GLT1D1: variants seen among roughly 807,000 people sequenced by gnomAD.
GLT1D1 encodes the protein glycosyltransferase 1 domain-containing protein 1.
In GLT1D1, 21 loss-of-function variants were observed where a neutral mutation model predicts 28.7. That is an observed-to-expected ratio of 0.73 (90% confidence interval 0.52 to 1.05). The LOEUF is 1.05. Ranked by LOEUF, GLT1D1 falls within the 50% of genes least tolerant of loss-of-function variation. The pLI is 0.00. For synonymous variants in GLT1D1, 147 were observed against 124.8 expected, an observed-to-expected ratio of 1.18 and a Z score of -1.19; for missense variants, 343 against 330.6, an observed-to-expected ratio of 1.04 and a Z score of -0.29.
chr12:128,907,643 C>T (rs1208586346), intron 4 of GLT1D1, among the ~76,000 whole-genome samples: 1 of 152,142 alleles, frequency 6.6e-6, no homozygotes, highest in Non-Finnish European at 1.5e-5. Context: ...GGTGAGCCCT[C>T]ATTGGAGATT....
chr12:128,900,781 A>T (rs1446209997), intron 4 of GLT1D1, among the ~76,000 whole-genome samples: 1 of 151,988 alleles, frequency 6.6e-6, no homozygotes, highest in Non-Finnish European at 1.5e-5. Context: ...GACGACAGGC[A>T]TGTGCCACCA....
chr12:128,902,599 C>T (rs914613069), intron 4 of GLT1D1, among the ~76,000 whole-genome samples: 4 of 151,512 alleles, frequency 2.6e-5, no homozygotes, highest in Admixed American at 1.3e-4. Flanking sequence ...CTACAGTGAT[C>T]GGAAAGGCCA....
intron 7 of GLT1D1, among the ~76,000 whole-genome samples, chr12:128,965,886 C>T (rs535573319): frequency 8.0e-6 from 1 of 124,404 alleles, no homozygotes; most frequent in Non-Finnish European, 2.0e-5. Flanking sequence ...CAGCAAGACC[C>T]TGTCTCAAAA....
In GLT1D1 at chr12:128,945,408, A is replaced by G. The variant is rs769455056; in HGVS notation, c.419+39A>G. The G allele has an allele frequency of 5.2e-6, 8 of 1,547,592 alleles. No individual in the cohort carries two copies. In the African/African-American group the frequency reaches 8.1e-5, roughly 16 times the overall value. ...GAGACCAGTCATTTTGCAGAACGGG[A>G]AGCCTGAGTGGCCCCTGGGTTACCT... is the stretch of plus-strand genomic sequence containing the variant. On this transcript the variant is annotated intron_variant, in intron 5 of 7. Coordinates refer to ENST00000281703, the MANE Select transcript of GLT1D1 (RefSeq NM_144669.3).
In GLT1D1 at chr12:128,879,160, C is replaced by G. The variant is rs569242467; in HGVS notation, c.217+3098C>G. On this transcript the variant is annotated intron_variant, in intron 2 of 7. Coordinates refer to ENST00000281703, the MANE Select transcript of GLT1D1 (RefSeq NM_144669.3). ...TGTTTTCTTTTCTTTTTTTCTTCAG[C>G]TTTTAAGTTCAGCAGTACATGTGCA... 3.3e-5 allele frequency among the ~76,000 whole-genome samples: 5 copies of G among 152,136 alleles called. No homozygotes were observed. The South Asian group carries it at 1.0e-3, about 32-fold the overall frequency.
intron 4 of GLT1D1, among the ~76,000 whole-genome samples, chr12:128,939,838 C>CT (rs1566153502): frequency 4.8e-5 from 2 of 42,036 alleles, no homozygotes; most frequent in Non-Finnish European, 1.1e-4. Context: ...TTGTTAGAAA[C>CT]CCCCCCCCAC....
Position 128,875,909 on chromosome 12 carries a change from T to G in GLT1D1, c.69-5T>G. On this transcript the variant is annotated splice_region_variant and splice_polypyrimidine_tract_variant and intron_variant, in intron 1 of 7. Transcript: ENST00000281703. ...CTTCTCCTTTCTCTGTATTTTTTGATAAAGGGCCCATCTAGAGGCTGCAGG... is the reference window on the plus strand; with the variant it reads ...CTTCTCCTTTCTCTGTATTTTTTGAGAAAGGGCCCATCTAGAGGCTGCAGG... 1 of 1,610,766 alleles carries G rather than the reference T, an allele frequency of 6.2e-7. No individual in the cohort carries two copies. Among genetic ancestry groups the G allele is most frequent in the Non-Finnish European group, 8.5e-7 (1 of 1,178,812 alleles).
chr12:128,945,481 C>G lies in GLT1D1; in HGVS notation c.419+112C>G, dbSNP rs114602448. ...AGGCACTATTCCAAGCAGTTTCCAA[C>G]TGTTTCCTCATGCATCTTCCCGGCG... On this transcript the variant is annotated intron_variant, in intron 5 of 7. Coordinates refer to ENST00000281703, the MANE Select transcript of GLT1D1 (RefSeq NM_144669.3). 3.3e-3 allele frequency: 3,017 copies of G among 917,392 alleles called. 66 individuals carry two copies. In the African/African-American group the frequency reaches 0.044, roughly 13 times the overall value. The allele number at this position is 917,392 out of a possible 1,614,324, so 56.8% of individuals were successfully genotyped here.
chr12:128,952,428 TGGG>T (rs1182891994), intron 6 of GLT1D1, among the ~76,000 whole-genome samples: 1 of 1,698 alleles, frequency 5.9e-4, no homozygotes, highest in Admixed American at 7.7e-3. Flanking sequence ...GGGTGTAGGG[TGGG>T]GGTGGGGGGG....
chr12:128,862,922 A>G (rs1331537006), intron 1 of GLT1D1, among the ~76,000 whole-genome samples: 2 of 152,222 alleles, frequency 1.3e-5, no homozygotes, highest in African/African-American at 2.4e-5. Flanking sequence ...GCTATGACAG[A>G]GAAGTGTAGG....
chr12:128,931,590 A>G (rs1026895010), intron 4 of GLT1D1, among the ~76,000 whole-genome samples: 5 of 151,990 alleles, frequency 3.3e-5, no homozygotes, highest in African/African-American at 7.2e-5. Flanking sequence ...TTACAGGTGT[A>G]AGCCACCGCG....
At chr12:128,974,804 G>A (rs1018184890) in intron 7 of GLT1D1, among the ~76,000 whole-genome samples, 16 of 152,220 alleles carry the variant, frequency 1.1e-4, no homozygotes, top group Admixed American at 9.8e-4. Flanking sequence ...GCCTCATTCC[G>A]TGTACGTTTT....
intron 1 of GLT1D1, among the ~76,000 whole-genome samples, chr12:128,861,808 C>A (rs1356073771): frequency 1.3e-5 from 2 of 152,126 alleles, no homozygotes; most frequent in East Asian, 3.9e-4. Flanking sequence ...CCCTTCCAGG[C>A]CCGGCTACTT....
chr12:128,906,316 C>T (rs997059359), intron 4 of GLT1D1, among the ~76,000 whole-genome samples: 2 of 151,908 alleles, frequency 1.3e-5, no homozygotes, highest in African/African-American at 4.8e-5. Context: ...AGTTCTAGTC[C>T]ACGTTTAGAG....
chr12:128,974,019 G>A (rs774730832), intron 7 of GLT1D1, among the ~76,000 whole-genome samples: 2 of 151,532 alleles, frequency 1.3e-5, no homozygotes, highest in Non-Finnish European at 2.9e-5. Flanking sequence ...GGACAGTCTG[G>A]GTCTAGATGC....
In GLT1D1 at chr12:128,946,495, C is replaced by T. The variant is rs139094106; in HGVS notation, c.420-843C>T. Among the ~76,000 whole-genome samples, 596 of 151,912 alleles carry T rather than the reference C, an allele frequency of 3.9e-3. 4 individuals are homozygous for T. The highest frequency in any genetic ancestry group is 0.013 in the African/African-American group (556 of 41,418). On this transcript the variant is annotated intron_variant, in intron 5 of 7. Coordinates refer to ENST00000281703, the MANE Select transcript of GLT1D1 (RefSeq NM_144669.3). ...CTGAGTAGCTGGGACTACAGGCACCCGCCGCTGCGCCCGGCTAATCTTTTG... is the reference window on the plus strand; with the variant it reads ...CTGAGTAGCTGGGACTACAGGCACCTGCCGCTGCGCCCGGCTAATCTTTTG...
intron 7 of GLT1D1, among the ~76,000 whole-genome samples, chr12:128,958,145 A>G (rs1025466753): frequency 4.6e-5 from 7 of 152,176 alleles, no homozygotes; most frequent in African/African-American, 1.7e-4. Flanking sequence ...CTTCTGGGGC[A>G]CACATGTGTG....
At chr12:128,859,650 G>A (rs775614201) in intron 1 of GLT1D1, among the ~76,000 whole-genome samples, 11 of 152,300 alleles carry the variant, frequency 7.2e-5, no homozygotes, top group South Asian at 4.1e-4. Flanking sequence ...ACAGGGCCAC[G>A]CGACACCTTC....
At position 128,909,176 on chromosome 12, in the gene GLT1D1, T is replaced by C. The variant is rs141821813; in HGVS notation, c.375+9889T>C. On this transcript the variant is annotated intron_variant, in intron 4 of 7. Transcript: ENST00000281703. ...TTGTGAAGTGTTAGTGTCTGGACATTTTTTTTCTATGAAAAATGATTAAAG... is the reference window on the plus strand; with the variant it reads ...TTGTGAAGTGTTAGTGTCTGGACATCTTTTTTCTATGAAAAATGATTAAAG... Among the ~76,000 whole-genome samples the C allele has an allele frequency of 2.4e-4, 36 of 152,096 alleles. No individual in the cohort carries two copies. In the East Asian group the frequency reaches 4.6e-3, roughly 20 times the overall value.
Sources: gnomAD v4.1 joint callset for allele counts (sites outside exome capture counted in the v4.1 genomes callset) on GRCh38, gnomAD v4.1.1 for gene constraint, MANE v1.5 for transcripts, NCBI Gene and HGNC (gene_info 2026-07-23, HGNC 2026-07-21) for gene names.